L3HYPDH: variants seen among roughly 807,000 people sequenced by gnomAD.
L3HYPDH encodes trans-L-3-hydroxyproline dehydratase, also known as trans-3-hydroxy-L-proline dehydratase.
In L3HYPDH, 32 loss-of-function variants were observed where a neutral mutation model predicts 26.5. That is an observed-to-expected ratio of 1.21 (90% confidence interval 0.91 to 1.62). L3HYPDH has a LOEUF of 1.62. Ranked by LOEUF, L3HYPDH falls within the 40% of genes most tolerant of loss-of-function variation. The pLI is 0.00. For synonymous variants in L3HYPDH, 215 were observed against 196.6 expected (o/e 1.09, Z -0.78); for missense variants, 554 against 476.4 (o/e 1.16, Z -1.52).
intron 1 of L3HYPDH, chr14:59,483,537 G>A (rs1566566781): frequency 6.5e-6 from 9 of 1,393,542 alleles, no homozygotes; most frequent in African/African-American, 2.9e-5. Context: ...CACCAGTGCA[G>A]AGGGAGGCGC....
At chr14:59,470,309 C>T (rs1372811938), downstream of L3HYPDH, among the ~76,000 whole-genome samples, 4 of 152,168 alleles carry the variant, frequency 2.6e-5, no homozygotes, top group African/African-American at 9.7e-5. Flanking sequence ...AAATGCCCCA[C>T]CCCGTGTCTG....
the L3HYPDH span, among the ~76,000 whole-genome samples, chr14:59,496,950 G>A: frequency 6.7e-6 from 1 of 149,284 alleles, no homozygotes; most frequent in Non-Finnish European, 1.5e-5. Context: ...TGGTCAGACT[G>A]GGCTAAGCAC....
downstream of L3HYPDH, among the ~76,000 whole-genome samples, chr14:59,468,575 G>GCA (rs1222853591): frequency 6.6e-6 from 1 of 152,116 alleles, no homozygotes; most frequent in African/African-American, 2.4e-5. Context: ...TAGTTTCACA[G>GCA]CACTCTGTAT....
At chr14:59,485,317 A>T (rs1423752982), upstream of L3HYPDH, 2 of 497,014 alleles carry the variant, frequency 4.0e-6, no homozygotes, top group Non-Finnish European at 6.8e-6. Context: ...TTAATTTAGA[A>T]CATTGTGATT....
the L3HYPDH span, among the ~76,000 whole-genome samples, chr14:59,502,758 T>TTTTTTTCTTTGTTTTTG: frequency 7.6e-6 from 1 of 130,856 alleles, no homozygotes; most frequent in Non-Finnish European, 1.6e-5. Context: ...AGATTTTTTT[T>TTTTTTTCTTTGTTTTTG]TTTTTTTTTT....
intron 2 of L3HYPDH, chr14:59,478,632 ACTACT>A (rs1358330419): frequency 1.3e-5 from 2 of 152,324 alleles, no homozygotes; most frequent in Non-Finnish European, 2.9e-5. Flanking sequence ...TTGGCCAGAC[ACTACT>A]CTAAGTCCTT....
At chr14:59,498,298 A>C in the L3HYPDH span, among the ~76,000 whole-genome samples, 3 of 152,212 alleles carry the variant, frequency 2.0e-5, no homozygotes, top group African/African-American at 7.2e-5. Context: ...CTAGATTTTT[A>C]TGTCTGCATA....
intron 4 of L3HYPDH, among the ~76,000 whole-genome samples, chr14:59,475,545 T>C (rs975284938): frequency 1.3e-5 from 2 of 152,212 alleles, no homozygotes; most frequent in African/African-American, 4.8e-5. Flanking sequence ...CTGCATTCAA[T>C]TGGTTGGGTT....
chr14:59,501,373 A>C, the L3HYPDH span: 1 of 697,398 alleles, frequency 1.4e-6, no homozygotes, highest in Non-Finnish European at 2.3e-6. Context: ...TGTTTTAGTA[A>C]TCTTTGGCTG....
At chr14:59,501,109 A>C in the L3HYPDH span, 2 of 903,186 alleles carry the variant, frequency 2.2e-6, no homozygotes, top group African/African-American at 3.4e-5. Flanking sequence ...GACTCTAAGG[A>C]AAATTACTAT....
At chr14:59,484,953 C>G (rs1367296058), upstream of L3HYPDH, 27 of 1,513,308 alleles carry the variant, frequency 1.8e-5, 1 homozygote, top group East Asian at 6.2e-4. Context: ...AAGCAAGTTG[C>G]TGCATAATTT....
the L3HYPDH span, among the ~76,000 whole-genome samples, chr14:59,489,651 T>A: frequency 6.6e-6 from 1 of 152,344 alleles, no homozygotes; most frequent in South Asian, 2.1e-4. Flanking sequence ...CAGTTTTCTG[T>A]TAGTCCATTT....
chr14:59,479,091 C>T, intron 2 of L3HYPDH, 91 bp downstream of exon 2: 1 of 971,738 alleles, frequency 1.0e-6, no homozygotes, highest in South Asian at 1.9e-5. Flanking sequence ...ATAATTTAAA[C>T]ATCATTTAAT....
intron 4 of L3HYPDH, among the ~76,000 whole-genome samples, chr14:59,473,301 A>G (rs994636896): frequency 2.6e-5 from 4 of 152,168 alleles, no homozygotes; most frequent in Admixed American, 2.6e-4. Context: ...GAAGAGAGAG[A>G]CAAGAGACCC....
chr14:59,481,928 G>T (rs8014724), intron 1 of L3HYPDH, among the ~76,000 whole-genome samples: 90 of 152,158 alleles, frequency 5.9e-4, no homozygotes, highest in African/African-American at 2.1e-3. Flanking sequence ...GCACAGATTA[G>T]GGACTCGAAA....
chr14:59,485,025 C>CA (rs780621263), upstream of L3HYPDH: 45 of 1,597,222 alleles, frequency 2.8e-5, no homozygotes, highest in South Asian at 9.9e-5. Context: ...AGGACCGCTG[C>CA]AAAAAAATGG....
chr14:59,466,956 C>T (rs533390243), intron 1 of L3HYPDH, among the ~76,000 whole-genome samples: 2 of 152,244 alleles, frequency 1.3e-5, no homozygotes, highest in East Asian at 3.9e-4. Context: ...TTAATCTAGA[C>T]TGATTTTGTC....
At chr14:59,501,101 C>A in the L3HYPDH span, 2 of 826,572 alleles carry the variant, frequency 2.4e-6, no homozygotes, top group Non-Finnish European at 3.8e-6. Flanking sequence ...AAGGATTTGA[C>A]TCTAAGGAAA....
At chr14:59,482,954 G>C (rs1302654300) in intron 1 of L3HYPDH, among the ~76,000 whole-genome samples, 1 of 152,232 alleles carries the variant, frequency 6.6e-6, no homozygotes, top group Non-Finnish European at 1.5e-5. Flanking sequence ...CCAGATGCCA[G>C]CTTGCCAGGT....
Sources: allele counts gnomAD v4.1 joint callset (sites outside exome capture counted in the v4.1 genomes callset), GRCh38; gene constraint gnomAD v4.1.1; transcripts MANE v1.5; gene names NCBI Gene and HGNC (gene_info 2026-07-23, HGNC 2026-07-21).